Variants in FRMD3 observed in about 807,000 individuals in gnomAD.
FRMD3 encodes FERM domain containing 3.
A neutral mutation model predicts 70.2 loss-of-function variants in FRMD3; 33 were observed. That is an observed-to-expected ratio of 0.47 (90% CI 0.36 to 0.63). The LOEUF is 0.63. Among genes scored for constraint, FRMD3 ranks in the 20% least tolerant of loss-of-function variants. The pLI, the probability that FRMD3 is intolerant of heterozygous loss-of-function variation, is 0.00. For synonymous variants in FRMD3, 279 were observed against 255.9 expected (o/e 1.09, Z -0.86); for missense variants, 632 against 711.4 (o/e 0.89, Z 1.27).
At chr9:83,290,765 T>C in intron 12 of FRMD3, 38 bp from the exon 13 acceptor site, 1 of 1,566,004 alleles carries the variant, frequency 6.4e-7, no homozygotes, top group Non-Finnish European at 8.7e-7. Context: ...TTGGTTTCCA[T>C]CACAAATGCT....
At chr9:83,521,472 T>G (rs1278462084) in intron 1 of FRMD3, among the ~76,000 whole-genome samples, 1 of 151,940 alleles carries the variant, frequency 6.6e-6, no homozygotes, top group Non-Finnish European at 1.5e-5. Context: ...GGTGAAAAAA[T>G]GAGACCCTGT....
At chr9:83,457,474 C>A (rs1170258230) in intron 1 of FRMD3, among the ~76,000 whole-genome samples, 1 of 152,140 alleles carries the variant, frequency 6.6e-6, no homozygotes, top group Non-Finnish European at 1.5e-5. Context: ...CCTGTGGATA[C>A]CAAGATCCAT....
At chr9:83,270,909 G>A (rs769670505) in intron 13 of FRMD3, among the ~76,000 whole-genome samples, 1 of 150,506 alleles carries the variant, frequency 6.6e-6, no homozygotes, top group Non-Finnish European at 1.5e-5. Context: ...TAAATAGCCT[G>A]GATTCTCTTC....
chr9:83,369,577 AAAATAAATAAATAAATAAATAAAT>A (rs138276429), intron 3 of FRMD3, among the ~76,000 whole-genome samples: 2 of 142,120 alleles, frequency 1.4e-5, no homozygotes, highest in South Asian at 4.5e-4. Context: ...ACTCTGTCTC[AAAATAAATAAATAAATAAATAAAT>A]AAATAAATAA....
chr9:83,309,384 G>A, intron 10 of FRMD3, 152 bp downstream of exon 10: 1 of 543,778 alleles, frequency 1.8e-6, no homozygotes, highest in South Asian at 3.0e-5. Context: ...CAATCACCGG[G>A]AGTCACCCTG....
At chr9:83,364,414 G>A (rs1453988779) in intron 3 of FRMD3, among the ~76,000 whole-genome samples, 1 of 152,072 alleles carries the variant, frequency 6.6e-6, no homozygotes, top group Admixed American at 6.6e-5. Flanking sequence ...AAAATTAGCT[G>A]GGCACAGTAC....
chr9:83,512,826 G>A (rs953605817), intron 1 of FRMD3, among the ~76,000 whole-genome samples: 5 of 152,170 alleles, frequency 3.3e-5, no homozygotes, highest in African/African-American at 1.2e-4. Flanking sequence ...TGAGACAGTG[G>A]AATTTTAAAC....
chr9:83,516,862 C>CTGAAT (rs1440342876), intron 1 of FRMD3, among the ~76,000 whole-genome samples: 4 of 152,110 alleles, frequency 2.6e-5, no homozygotes, highest in African/African-American at 9.7e-5. Context: ...CAACCTGCTC[C>CTGAAT]TGAATTTCTA....
At chr9:83,306,357 T>C (rs775453810) in intron 10 of FRMD3, among the ~76,000 whole-genome samples, 9 of 152,188 alleles carry the variant, frequency 5.9e-5, no homozygotes, top group Non-Finnish European at 1.0e-4. Flanking sequence ...TTCACACTGG[T>C]CAAGCCATCC....
rs1825613074 is a variant in FRMD3 at position 83,389,725 on chromosome 9, T to C, written c.148-17A>G. The stretch of plus-strand genomic sequence containing the variant: ...GGTTTCCCTCTGCAAAGGAAGCACA[T>C]TTAAGTCTCAGCCAGAGCTCACCTT... On this transcript the variant is annotated splice_polypyrimidine_tract_variant and intron_variant, in intron 1 of 13. Coordinates refer to ENST00000304195, the MANE Select transcript of FRMD3 (RefSeq NM_174938.6). 6.3e-7 allele frequency: 1 copy of C among 1,579,032 alleles called. No homozygotes were observed. Among genetic ancestry groups the C allele is most frequent in the African/African-American group, 1.3e-5 (1 of 74,218 alleles).
intron 1 of FRMD3, among the ~76,000 whole-genome samples, chr9:83,433,007 G>A (rs899410078): frequency 3.9e-5 from 6 of 152,130 alleles, no homozygotes; most frequent in Non-Finnish European, 5.9e-5. Flanking sequence ...CCATTCCTGA[G>A]TTACTTCACT....
chr9:83,311,123 G>A (rs2131051065), intron 8 of FRMD3, among the ~76,000 whole-genome samples: 1 of 152,222 alleles, frequency 6.6e-6, no homozygotes, highest in South Asian at 2.1e-4. Context: ...GTCTCCTACA[G>A]GGCTTCTAAA....
At chr9:83,558,362 A>G in the FRMD3 span, among the ~76,000 whole-genome samples, 3 of 152,210 alleles carry the variant, frequency 2.0e-5, no homozygotes, top group Non-Finnish European at 4.4e-5. Flanking sequence ...AAAATGCCAA[A>G]TTTGGAGAAG....
At chr9:83,335,483 T>A in intron 6 of FRMD3, 33 bp downstream of exon 6, 1 of 1,576,962 alleles carries the variant, frequency 6.3e-7, no homozygotes, top group South Asian at 1.1e-5. Context: ...TTCTCCCCTT[T>A]ATCATTTTCA....
rs925657773 is a variant in FRMD3 at position 83,326,367 on chromosome 9, G to A, written c.596+9149C>T. On this transcript the variant is annotated intron_variant, in intron 6 of 13. Transcript: ENST00000304195. ...TCGAGATATTTACAACAAACCAAAG[G>A]CCCATCTTTAAAATAATTCTCAAGT... Among the ~76,000 whole-genome samples, 32 of 152,224 alleles carry A rather than the reference G, an allele frequency of 2.1e-4. 1 individual carries two copies. Among genetic ancestry groups the A allele is most frequent in the African/African-American group, 7.7e-4 (32 of 41,538 alleles).
At chr9:83,372,557 C>T (rs1337029363) in intron 3 of FRMD3, among the ~76,000 whole-genome samples, 1 of 152,100 alleles carries the variant, frequency 6.6e-6, no homozygotes, top group Non-Finnish European at 1.5e-5. Flanking sequence ...ACTGCACCCC[C>T]TCCCACACTT....
chr9:83,522,627 G>A (rs1478366039), intron 1 of FRMD3, among the ~76,000 whole-genome samples: 2 of 147,442 alleles, frequency 1.4e-5, no homozygotes, highest in African/African-American at 5.0e-5. Context: ...GCAGTGTAGC[G>A]ATCTCGGCTC....
chr9:83,372,644 C>A (rs1470025826), intron 3 of FRMD3, among the ~76,000 whole-genome samples: 1 of 151,930 alleles, frequency 6.6e-6, no homozygotes, highest in Non-Finnish European at 1.5e-5. Flanking sequence ...TTTAACCATC[C>A]AATTCCAAAG....
chr9:83,288,966 C>G (rs893394853), intron 13 of FRMD3, among the ~76,000 whole-genome samples: 9 of 152,184 alleles, frequency 5.9e-5, no homozygotes, highest in Admixed American at 2.6e-4. Context: ...AATTGCATTC[C>G]CATCTAAGCT....
Sources: allele counts gnomAD v4.1 joint callset (sites outside exome capture counted in the v4.1 genomes callset), GRCh38; gene constraint gnomAD v4.1.1; transcripts MANE v1.5; gene names NCBI Gene and HGNC (gene_info 2026-07-23, HGNC 2026-07-21).